Variants in MAML3 observed in about 807,000 individuals in gnomAD.
The protein encoded by MAML3 is mastermind like transcriptional coactivator 3, also known as mastermind-like protein 3.
A neutral mutation model predicts 101.9 loss-of-function variants in MAML3; 27 were observed. That is an observed-to-expected ratio of 0.27 (90% confidence interval 0.20 to 0.37). MAML3 has a LOEUF of 0.37. Ranked by LOEUF, MAML3 falls within the 10% of genes least tolerant of loss-of-function variation. The probability of loss-of-function intolerance (pLI) is 1.00; values close to 1 mark genes in which losing one functional copy is unlikely to be tolerated. For missense variants in MAML3, 1,316 were observed against 1,444.9 expected, an observed-to-expected ratio of 0.91 and a Z score of 1.45; for synonymous variants, 501 against 555.9, an observed-to-expected ratio of 0.90 and a Z score of 1.39.
At chr4:140,127,465 G>T (rs1184083874) in intron 1 of MAML3, among the ~76,000 whole-genome samples, 3 of 152,202 alleles carry the variant, frequency 2.0e-5, no homozygotes, top group African/African-American at 7.2e-5. Flanking sequence ...GATAGTCACT[G>T]CAATGGGGCC....
chr4:140,063,277 C>G (rs1366991925), intron 1 of MAML3, among the ~76,000 whole-genome samples: 1 of 152,054 alleles, frequency 6.6e-6, no homozygotes, highest in Non-Finnish European at 1.5e-5. Flanking sequence ...GACAGAGACA[C>G]AGAGAGGGAA....
chr4:139,808,195 T>C (rs574112740), intron 2 of MAML3, among the ~76,000 whole-genome samples: 9 of 152,366 alleles, frequency 5.9e-5, no homozygotes, highest in African/African-American at 2.2e-4. Flanking sequence ...GAGCTCAACT[T>C]ATCCATCATT....
chr4:139,964,338 A>G (rs539254265), intron 1 of MAML3, among the ~76,000 whole-genome samples: 42 of 152,306 alleles, frequency 2.8e-4, no homozygotes, highest in African/African-American at 9.4e-4. Flanking sequence ...CAACACAGGA[A>G]CAAAAAACCA....
intron 2 of MAML3, among the ~76,000 whole-genome samples, chr4:139,871,116 T>G (rs977304073): frequency 6.6e-6 from 1 of 152,218 alleles, no homozygotes. Context: ...TCATGGTCAT[T>G]AGTTCTAGCT....
intron 1 of MAML3, among the ~76,000 whole-genome samples, chr4:140,051,428 A>G (rs780947609): frequency 4.6e-5 from 7 of 152,002 alleles, no homozygotes; most frequent in Admixed American, 3.9e-4. Context: ...GTGGTGGTAC[A>G]TGCCTGTAAT....
At chr4:139,992,412 A>G (rs1734696651) in intron 1 of MAML3, among the ~76,000 whole-genome samples, 1 of 152,194 alleles carries the variant, frequency 6.6e-6, no homozygotes, top group Non-Finnish European at 1.5e-5. Flanking sequence ...CTTAGAGTTT[A>G]AAGACGTTGT....
chr4:140,023,190 A>T (rs141423364), intron 1 of MAML3, among the ~76,000 whole-genome samples: 2 of 152,288 alleles, frequency 1.3e-5, no homozygotes, highest in African/African-American at 4.8e-5. Flanking sequence ...CCAGGAAGAG[A>T]GCAAATCAAG....
intron 2 of MAML3, among the ~76,000 whole-genome samples, chr4:139,800,990 G>T (rs1730594037): frequency 6.6e-6 from 1 of 152,232 alleles, no homozygotes; most frequent in African/African-American, 2.4e-5. Context: ...AGGGAGATTT[G>T]TCAGGGATCT....
intron 1 of MAML3, among the ~76,000 whole-genome samples, chr4:140,122,180 G>T (rs1728616657): frequency 6.7e-6 from 1 of 149,444 alleles, no homozygotes; most frequent in Non-Finnish European, 1.5e-5. Context: ...TTTAAAGTAG[G>T]TGAGAAATTG....
In MAML3 at chr4:139,776,530, C is replaced by T. The variant is rs558497312; in HGVS notation, c.2080-45863G>A. ...GGCAGCTTTAGGGAAAAGTGCAGAGCTGCAGCCACTGGCCATTTTATCAGA... is the reference window on the plus strand; with the variant it reads ...GGCAGCTTTAGGGAAAAGTGCAGAGTTGCAGCCACTGGCCATTTTATCAGA... On this transcript the variant is annotated intron_variant, in intron 2 of 4. Coordinates refer to ENST00000509479, the MANE Select transcript of MAML3 (RefSeq NM_018717.5). Among the ~76,000 whole-genome samples, 6 of 152,350 alleles carry T rather than the reference C, an allele frequency of 3.9e-5. No individual in the cohort carries two copies. The South Asian group carries it at 1.2e-3, about 32-fold the overall frequency.
In MAML3 at chr4:139,802,228, G is replaced by A. The variant is rs80025360; in HGVS notation, c.2080-71561C>T. 5.6e-4 allele frequency among the ~76,000 whole-genome samples: 86 copies of A among 152,240 alleles called. 2 individuals are homozygous for A. In the East Asian group the frequency reaches 0.014, roughly 25 times the overall value. Reference sequence around the variant, plus strand: ...CTATAACTGGGACAACTGGAATGGCGCTTGTTGGTTCTTAAGTTGGCTAGA... The same window carrying A: ...CTATAACTGGGACAACTGGAATGGCACTTGTTGGTTCTTAAGTTGGCTAGA... On this transcript the variant is annotated intron_variant, in intron 2 of 4. Coordinates refer to ENST00000509479, the MANE Select transcript of MAML3 (RefSeq NM_018717.5).
At chr4:140,073,141 C>CTT (rs565407589) in intron 1 of MAML3, among the ~76,000 whole-genome samples, 4 of 141,726 alleles carry the variant, frequency 2.8e-5, no homozygotes, top group Non-Finnish European at 6.2e-5. Context: ...TCCATGTTTT[C>CTT]TTTTTTTTTT....
chr4:139,910,190 C>T (rs1336513877), intron 1 of MAML3, among the ~76,000 whole-genome samples: 1 of 152,204 alleles, frequency 6.6e-6, no homozygotes, highest in African/African-American at 2.4e-5. Context: ...TGACACTCAG[C>T]AGCCTCAACA....
At chr4:140,018,208 G>T (rs1726676146) in intron 1 of MAML3, among the ~76,000 whole-genome samples, 6 of 152,088 alleles carry the variant, frequency 3.9e-5, no homozygotes. Flanking sequence ...CTATGTGGCA[G>T]CTTCTGCTGG....
intron 1 of MAML3, among the ~76,000 whole-genome samples, chr4:139,949,251 G>A (rs145625599): frequency 1.6e-4 from 24 of 152,204 alleles, no homozygotes; most frequent in African/African-American, 2.9e-4. Context: ...TCTTGACCTC[G>A]TGATCCGCCT....
At chr4:139,922,956 G>C (rs796801075) in intron 1 of MAML3, among the ~76,000 whole-genome samples, 7 of 152,296 alleles carry the variant, frequency 4.6e-5, no homozygotes, top group African/African-American at 1.4e-4. Context: ...GTGCTTGCAG[G>C]GGTGCCGGGT....
chr4:139,772,063 C>T (rs540906769), intron 2 of MAML3, among the ~76,000 whole-genome samples: 29 of 149,108 alleles, frequency 1.9e-4, no homozygotes, highest in South Asian at 4.5e-4. Context: ...CACGGTGAAA[C>T]CCCCGTCTCT....
intron 2 of MAML3, among the ~76,000 whole-genome samples, chr4:139,742,198 A>G (rs749963055): frequency 1.3e-5 from 2 of 150,958 alleles, no homozygotes; most frequent in Admixed American, 6.6e-5. Context: ...AGCCAGGCTG[A>G]AGTGCAGTGG....
chr4:140,004,375 T>A (rs1111339), intron 1 of MAML3, among the ~76,000 whole-genome samples: 75,580 of 151,262 alleles, frequency 0.5, 19,295 homozygotes, highest in East Asian at 0.65. Context: ...TTCAAGAACG[T>A]AATTCCCAGA....
Sources: gnomAD v4.1 joint callset for allele counts (sites outside exome capture counted in the v4.1 genomes callset) on GRCh38, gnomAD v4.1.1 for gene constraint, MANE v1.5 for transcripts, NCBI Gene and HGNC (gene_info 2026-07-23, HGNC 2026-07-21) for gene names.